The following RAB22A variants were observed in gnomAD, a reference collection of about 807,000 sequenced individuals.
RAB22A encodes the protein ras-related protein Rab-22A.
RAB22A carries 13 observed loss-of-function variants against 30.2 expected under a neutral mutation model. The ratio of observed to expected loss-of-function variants is 0.43; its 90% CI spans 0.28 to 0.68. The LOEUF (loss-of-function observed/expected upper bound fraction) is 0.68. RAB22A is among the 30% of genes least tolerant of loss of function. The pLI is 0.18. For synonymous variants in RAB22A, 89 were observed against 87.2 expected, an observed-to-expected ratio of 1.02 and a Z score of -0.11; for missense variants, 177 against 246.8, an observed-to-expected ratio of 0.72 and a Z score of 1.89.
chr20:58,351,966 TAAAG>T (rs1987057787), intron 3 of RAB22A, among the ~76,000 whole-genome samples: 1 of 151,956 alleles, frequency 6.6e-6, no homozygotes, highest in South Asian at 2.1e-4. Flanking sequence ...TAAAAACAAA[TAAAG>T]AATGCAAAAG....
intron 3 of RAB22A, among the ~76,000 whole-genome samples, chr20:58,348,805 T>C (rs998047037): frequency 6.8e-6 from 1 of 147,982 alleles, no homozygotes; most frequent in African/African-American, 2.5e-5. Context: ...AAAAAAAAAA[T>C]CGCAAAAACA....
Position 58,363,247 on chromosome 20 carries a change from G to T in RAB22A, c.*3544G>T, listed in dbSNP as rs1473194999. The T allele has an allele frequency of 6.6e-6, 1 of 152,202 alleles. No homozygotes were observed. Among genetic ancestry groups the T allele is most frequent in the Non-Finnish European group, 1.5e-5 (1 of 68,036 alleles). The allele number at this position is 152,202 out of a possible 1,614,324, so 9.4% of individuals were successfully genotyped here. A position where few individuals can be genotyped will look rare whatever the true frequency, so the allele number is the denominator to read the frequency against. ...TACAGGCATCTTTTAGATTCTAAGA[G>T]TGAGTTACAGAATTCTTTTTGGTAC... On this transcript the variant is annotated 3_prime_UTR_variant, in exon 7 of 7. Coordinates refer to ENST00000244040, the MANE Select transcript of RAB22A (RefSeq NM_020673.3).
At chr20:58,329,791 C>G (rs545029430) in intron 2 of RAB22A, among the ~76,000 whole-genome samples, 1 of 152,282 alleles carries the variant, frequency 6.6e-6, no homozygotes, top group African/African-American at 2.4e-5. Context: ...TTTCCCTACC[C>G]CCATCTTTTT....
At chr20:58,325,025 A>C (rs1986538421) in intron 2 of RAB22A, among the ~76,000 whole-genome samples, 1 of 144,952 alleles carries the variant, frequency 6.9e-6, no homozygotes, top group Non-Finnish European at 1.5e-5. Flanking sequence ...AAATACAAAA[A>C]TTAGCTGGGT....
At chr20:58,348,086 G>A (rs1986981768) in intron 3 of RAB22A, among the ~76,000 whole-genome samples, 1 of 152,170 alleles carries the variant, frequency 6.6e-6, no homozygotes, top group African/African-American at 2.4e-5. Flanking sequence ...AATTAGCCAG[G>A]CATGGTGGCG....
At chr20:58,357,543 C>T (rs975576933) in intron 6 of RAB22A, among the ~76,000 whole-genome samples, 3 of 152,084 alleles carry the variant, frequency 2.0e-5, no homozygotes, top group Non-Finnish European at 1.5e-5. Context: ...TTACCTGTTC[C>T]CAGCTCATGA....
rs528431316 is a variant in RAB22A, at chr20:58,325,720, A to C, written c.116+14598A>C. ...GAGAGAACATATTTTGTATGATATA[A>C]ATCCTTGGAAGTCTGGTACTGTTTG... On this transcript the variant is annotated intron_variant, in intron 2 of 6. Transcript: ENST00000244040. Among the ~76,000 whole-genome samples, 3 of 152,330 alleles carry C rather than the reference A, an allele frequency of 2.0e-5. No individual in the cohort carries two copies. The South Asian group carries it at 6.2e-4, about 32-fold the overall frequency.
At position 58,311,134 on chromosome 20, in the gene RAB22A, T is replaced by C; in HGVS notation, c.116+12T>C. The C allele has an allele frequency of 1.3e-6, 2 of 1,556,330 alleles. No homozygotes were observed. Among genetic ancestry groups the C allele is most frequent in the Non-Finnish European group, 1.8e-6 (2 of 1,127,406 alleles). On this transcript the variant is annotated intron_variant, in intron 2 of 6. Transcript: ENST00000244040. ...AACCCAACAATAGGGTAAGAGACTTTTATTTGATACACATCTAAAGGTGCA... is the reference window on the plus strand; with the variant it reads ...AACCCAACAATAGGGTAAGAGACTTCTATTTGATACACATCTAAAGGTGCA...
intron 3 of RAB22A, among the ~76,000 whole-genome samples, chr20:58,352,153 T>C (rs2122967107): frequency 6.6e-6 from 1 of 152,340 alleles, no homozygotes; most frequent in East Asian, 1.9e-4. Context: ...TATATACATT[T>C]GTCAGTTTAT....
intron 2 of RAB22A, among the ~76,000 whole-genome samples, chr20:58,323,096 T>C (rs1390322319): frequency 6.6e-6 from 1 of 152,212 alleles, no homozygotes; most frequent in African/African-American, 2.4e-5. Flanking sequence ...TCTTCTAATA[T>C]ATGAACATAG....
chr20:58,344,695 G>C (rs1463889315), intron 3 of RAB22A, among the ~76,000 whole-genome samples: 1 of 152,208 alleles, frequency 6.6e-6, no homozygotes, highest in Non-Finnish European at 1.5e-5. Flanking sequence ...AAAATAGTCT[G>C]TCATCACAGC....
intron 2 of RAB22A, among the ~76,000 whole-genome samples, chr20:58,334,781 G>A (rs1022738543): frequency 4.0e-5 from 6 of 148,956 alleles, no homozygotes; most frequent in African/African-American, 1.5e-4. Context: ...CTGTAGTCCA[G>A]TGTTGAATCA....
intron 3 of RAB22A, among the ~76,000 whole-genome samples, chr20:58,350,349 G>T (rs544737624): frequency 6.8e-4 from 104 of 152,238 alleles, no homozygotes; most frequent in African/African-American, 2.3e-3. Flanking sequence ...AGAGCCAGGA[G>T]GAGCAAAGAG....
intron 2 of RAB22A, among the ~76,000 whole-genome samples, chr20:58,319,036 AG>A (rs1476417051): frequency 1.3e-5 from 2 of 152,212 alleles, no homozygotes; most frequent in Non-Finnish European, 2.9e-5. Context: ...AAATTTTAAA[AG>A]GTTATTTTTT....
At chr20:58,334,613 G>A (rs369693612) in intron 2 of RAB22A, among the ~76,000 whole-genome samples, 8 of 151,586 alleles carry the variant, frequency 5.3e-5, no homozygotes, top group South Asian at 2.1e-4. Flanking sequence ...GATGTCATGC[G>A]TCTTATTCTG....
At chr20:58,318,504 A>G (rs1315298540) in intron 2 of RAB22A, among the ~76,000 whole-genome samples, 1 of 152,228 alleles carries the variant, frequency 6.6e-6, no homozygotes, top group East Asian at 1.9e-4. Flanking sequence ...CTGAACTGAT[A>G]TAATGCAAAT....
intron 2 of RAB22A, among the ~76,000 whole-genome samples, chr20:58,342,249 C>G (rs1368589615): frequency 2.0e-5 from 3 of 152,178 alleles, no homozygotes; most frequent in African/African-American, 7.2e-5. Context: ...AAGCACTTTA[C>G]TAAGGATACC....
chr20:58,347,703 T>C (rs558830175), intron 3 of RAB22A, among the ~76,000 whole-genome samples: 2 of 152,234 alleles, frequency 1.3e-5, no homozygotes, highest in Non-Finnish European at 2.9e-5. Flanking sequence ...AATTTTAAGT[T>C]TATCTTCTCA....
chr20:58,314,263 C>G (rs1986290926), intron 2 of RAB22A, among the ~76,000 whole-genome samples: 1 of 152,086 alleles, frequency 6.6e-6, no homozygotes, highest in Non-Finnish European at 1.5e-5. Flanking sequence ...CAGGGTTTCA[C>G]CATGTTGGCC....
Sources: allele counts gnomAD v4.1 joint callset (sites outside exome capture counted in the v4.1 genomes callset), GRCh38; gene constraint gnomAD v4.1.1; transcripts MANE v1.5; gene names NCBI Gene and HGNC (gene_info 2026-07-23, HGNC 2026-07-21).